Variants in TMPRSS11E observed in about 807,000 individuals in gnomAD.
TMPRSS11E encodes the protein transmembrane serine protease 11E, also known as transmembrane protease serine 11E.
Under a neutral mutation model 48.1 loss-of-function variants are expected in TMPRSS11E, and 38 were observed. That is an observed-to-expected ratio of 0.79 (90% confidence interval 0.61 to 1.04). The LOEUF (loss-of-function observed/expected upper bound fraction) is 1.04. TMPRSS11E is among the 50% of genes least tolerant of loss of function. The pLI is 0.00. For missense variants in TMPRSS11E, 530 were observed against 510.8 expected (o/e 1.04, Z -0.36); for synonymous variants, 158 against 171.9 (o/e 0.92, Z 0.63).
chr4:68,477,346 A>T (rs767461338), intron 7 of TMPRSS11E, 23 bp from the exon 8 acceptor site: 2 of 1,581,046 alleles, frequency 1.3e-6, no homozygotes, highest in Non-Finnish European at 1.7e-6. Flanking sequence ...AAAGAAATTT[A>T]TTCTTCATTT....
At chr4:68,466,557 C>T (rs1728931181) in intron 2 of TMPRSS11E, 74 bp from the exon 3 acceptor site, 5 of 1,530,762 alleles carry the variant, frequency 3.3e-6, no homozygotes, top group Non-Finnish European at 4.5e-6. Context: ...CCAGCAACCA[C>T]CAAGCGGGGA....
intron 9 of TMPRSS11E, among the ~76,000 whole-genome samples, chr4:68,480,007 T>TATTAGA (rs765180439): frequency 1.6e-4 from 25 of 152,152 alleles, no homozygotes; most frequent in Non-Finnish European, 3.4e-4. Flanking sequence ...AATTTGCTGC[T>TATTAGA]ATTAGAATTA....
chr4:68,474,803 A>G, intron 6 of TMPRSS11E, 42 bp downstream of exon 6: 1 of 1,538,366 alleles, frequency 6.5e-7, no homozygotes, highest in Non-Finnish European at 8.9e-7. Flanking sequence ...ACCTGAAGGT[A>G]AAAAGCTAAC....
At chr4:68,459,764 A>C (rs2109670001) in intron 1 of TMPRSS11E, among the ~76,000 whole-genome samples, 1 of 152,308 alleles carries the variant, frequency 6.6e-6, no homozygotes, top group East Asian at 1.9e-4. Context: ...ACAAGCACAC[A>C]TTCATTTTCT....
chr4:68,468,803 TA>T, intron 3 of TMPRSS11E, 75 bp from the exon 4 acceptor site: 13 of 1,130,826 alleles, frequency 1.1e-5, no homozygotes, highest in Non-Finnish European at 1.7e-5. Flanking sequence ...TTTAATTTTC[TA>T]AAAAGCTTTG....
chr4:68,487,003 A>G (rs999432139), intron 9 of TMPRSS11E, among the ~76,000 whole-genome samples: 1 of 151,958 alleles, frequency 6.6e-6, no homozygotes, highest in African/African-American at 2.4e-5. Context: ...TTACTTTGAG[A>G]CTATGAGTGT....
chr4:68,466,438 A>T (rs1029110112), intron 2 of TMPRSS11E, among the ~76,000 whole-genome samples, 193 bp from the exon 3 acceptor site: 15 of 152,148 alleles, frequency 9.9e-5, no homozygotes, highest in Admixed American at 7.2e-4. Flanking sequence ...TATTCTCTAA[A>T]TCACATGATG....
intron 1 of TMPRSS11E, among the ~76,000 whole-genome samples, chr4:68,454,432 A>G (rs903800979): frequency 1.3e-5 from 2 of 152,070 alleles, no homozygotes; most frequent in Non-Finnish European, 2.9e-5. Flanking sequence ...TTAAATGCCA[A>G]TATATTAGAA....
chr4:68,491,326 TGA>T (rs1729716745), intron 9 of TMPRSS11E, among the ~76,000 whole-genome samples: 2 of 99,396 alleles, frequency 2.0e-5, no homozygotes, highest in African/African-American at 3.2e-5. Flanking sequence ...AAAAAAAAAT[TGA>T]GAGAGCTCAC....
At chr4:68,477,280 T>C (rs908771694) in intron 7 of TMPRSS11E, 89 bp from the exon 8 acceptor site, 52 of 1,293,612 alleles carry the variant, frequency 4.0e-5, no homozygotes, top group Non-Finnish European at 5.5e-5. Context: ...GAAAAAAAAA[T>C]CTACACCTGT....
chr4:68,457,989 G>T (rs1728681395), intron 1 of TMPRSS11E, among the ~76,000 whole-genome samples: 2 of 151,978 alleles, frequency 1.3e-5, no homozygotes, highest in Non-Finnish European at 2.9e-5. Flanking sequence ...GTAGATGATG[G>T]GTTGATGGGT....
chr4:68,464,642 G>A (rs983306106), intron 2 of TMPRSS11E, among the ~76,000 whole-genome samples: 7 of 152,172 alleles, frequency 4.6e-5, no homozygotes, highest in African/African-American at 1.4e-4. Flanking sequence ...ACTGAGCACA[G>A]ATAATAAATT....
intron 1 of TMPRSS11E, among the ~76,000 whole-genome samples, chr4:68,455,778 C>T (rs541070133): frequency 3.3e-5 from 5 of 151,996 alleles, no homozygotes; most frequent in East Asian, 3.9e-4. Flanking sequence ...GCAATGGCAT[C>T]GCTCGTTAAC....
At chr4:68,478,304 C>T (rs1021282783) in intron 8 of TMPRSS11E, among the ~76,000 whole-genome samples, 1 of 150,724 alleles carries the variant, frequency 6.6e-6, no homozygotes, top group Non-Finnish European at 1.5e-5. Context: ...TACAGGTGCC[C>T]GCCTAATTTT....
chr4:68,455,679 G>A (rs1728610226), intron 1 of TMPRSS11E, among the ~76,000 whole-genome samples: 1 of 151,896 alleles, frequency 6.6e-6, no homozygotes, highest in Admixed American at 6.6e-5. Flanking sequence ...TTTTTCTTCT[G>A]ATACACTTGC....
intron 9 of TMPRSS11E, among the ~76,000 whole-genome samples, chr4:68,492,493 C>A (rs1438170647): frequency 6.6e-6 from 1 of 152,104 alleles, no homozygotes; most frequent in Admixed American, 6.5e-5. Context: ...ATTATCTTTG[C>A]TGGCGATTTT....
chr4:68,453,418 A>G, intron 1 of TMPRSS11E, among the ~76,000 whole-genome samples: 1 of 151,912 alleles, frequency 6.6e-6, no homozygotes, highest in East Asian at 1.9e-4. Context: ...TATCCACTAA[A>G]CAAGAAAATG....
At chr4:68,471,406 C>CT (rs1433891765) in intron 4 of TMPRSS11E, 54 bp from the exon 5 acceptor site, 16 of 692,898 alleles carry the variant, frequency 2.3e-5, no homozygotes, top group Non-Finnish European at 2.9e-5. Context: ...CCCTTCCTGC[C>CT]TTTCTTTCTT....
At chr4:68,484,701 C>T (rs750575783) in intron 9 of TMPRSS11E, among the ~76,000 whole-genome samples, 26 of 152,108 alleles carry the variant, frequency 1.7e-4, no homozygotes, top group Non-Finnish European at 2.9e-4. Context: ...TTTTATTCTT[C>T]TTGTGGCAAT....
Sources: allele counts gnomAD v4.1 joint callset (sites outside exome capture counted in the v4.1 genomes callset), GRCh38; gene constraint gnomAD v4.1.1; transcripts MANE v1.5; gene names NCBI Gene and HGNC (gene_info 2026-07-23, HGNC 2026-07-21).